Variants in GMPR observed in about 807,000 individuals in gnomAD.
GMPR encodes the protein guanosine monophosphate reductase, also known as GMP reductase 1.
GMPR carries 31 observed loss-of-function variants against 38.4 expected under a neutral mutation model. The observed-to-expected ratio is 0.81, with a 90% CI of 0.61 to 1.09. The LOEUF (loss-of-function observed/expected upper bound fraction) is 1.09. Among genes scored for constraint, GMPR ranks in the 50% least tolerant of loss-of-function variants. The probability of loss-of-function intolerance (pLI) is 0.00; values close to 1 mark genes in which losing one functional copy is unlikely to be tolerated. For synonymous variants in GMPR, 162 were observed against 173.3 expected, an observed-to-expected ratio of 0.93 and a Z score of 0.51; for missense variants, 468 against 453.7, an observed-to-expected ratio of 1.03 and a Z score of -0.29.
intron 1 of GMPR, among the ~76,000 whole-genome samples, chr6:16,241,156 G>T (rs961483881): frequency 6.6e-6 from 1 of 152,156 alleles, no homozygotes; most frequent in Non-Finnish European, 1.5e-5. Flanking sequence ...GGAAACTGAA[G>T]GGTAGATGAC....
intron 4 of GMPR, among the ~76,000 whole-genome samples, chr6:16,271,512 G>T (rs963439526): frequency 2.6e-5 from 4 of 152,154 alleles, no homozygotes; most frequent in African/African-American, 9.7e-5. Flanking sequence ...AACAAAATGT[G>T]TGGTGGGCTT....
At chr6:16,294,634 G>A (rs1759901455) in intron 8 of GMPR, among the ~76,000 whole-genome samples, 1 of 152,196 alleles carries the variant, frequency 6.6e-6, no homozygotes, top group South Asian at 2.1e-4. Context: ...TGCATGTTGA[G>A]GTAGAATAGA....
chr6:16,238,788 A>G lies in GMPR; in HGVS notation c.87+8A>G. On this transcript the variant is annotated splice_region_variant and intron_variant, in intron 1 of 8. Coordinates refer to ENST00000259727, the MANE Select transcript of GMPR (RefSeq NM_006877.4). ...CTCAAGAGCCGAGCCGAGGTGGGGGACGTTCGGAAGTCGCAGTGGGGTGGG... is the reference window on the plus strand; with the variant it reads ...CTCAAGAGCCGAGCCGAGGTGGGGGGCGTTCGGAAGTCGCAGTGGGGTGGG... 2.8e-6 allele frequency: 4 copies of G among 1,433,074 alleles called. No homozygotes were observed. The highest frequency in any genetic ancestry group is 1.4e-5 in the South Asian group (1 of 71,698). The allele number at this position is 1,433,074 out of a possible 1,614,324, so 88.8% of individuals were successfully genotyped here. A position where few individuals can be genotyped will look rare whatever the true frequency, so the allele number is the denominator to read the frequency against.
intron 4 of GMPR, among the ~76,000 whole-genome samples, chr6:16,263,863 CAG>C (rs1759137755): frequency 6.6e-6 from 1 of 151,270 alleles, no homozygotes; most frequent in African/African-American, 2.4e-5. Flanking sequence ...GATTGGGGCA[CAG>C]AGATATAAGA....
At chr6:16,291,996 G>A (rs1341961690) in intron 8 of GMPR, among the ~76,000 whole-genome samples, 1 of 152,008 alleles carries the variant, frequency 6.6e-6, no homozygotes, top group East Asian at 1.9e-4. Context: ...CAGGGTTAGC[G>A]CCGATGACAA....
intron 1 of GMPR, among the ~76,000 whole-genome samples, chr6:16,240,268 C>T (rs1185357870): frequency 6.6e-6 from 1 of 152,178 alleles, no homozygotes. Flanking sequence ...GGCACAGTAG[C>T]TCACACCTGT....
rs556914341 is a variant in GMPR at position 16,238,782 on chromosome 6, T to A, written c.87+2T>A. The A allele has an allele frequency of 1.4e-6, 2 of 1,440,126 alleles. No individual in the cohort carries two copies. The highest frequency in any genetic ancestry group is 1.4e-5 in the South Asian group (1 of 72,054). 89.2% of individuals were successfully genotyped at this position (1,440,126 alleles called of 1,614,324 possible). ...AGCAGCCTCAAGAGCCGAGCCGAGG[T>A]GGGGGACGTTCGGAAGTCGCAGTGG... is the stretch of plus-strand genomic sequence containing the variant. On this transcript the variant is annotated splice_donor_variant, in intron 1 of 8. Transcript: ENST00000259727. LOFTEE classifies it high-confidence loss of function.
chr6:16,274,550 G>A, intron 5 of GMPR, 54 bp downstream of exon 5: 1 of 975,192 alleles, frequency 1.0e-6, no homozygotes, highest in South Asian at 1.3e-5. Flanking sequence ...AATGGGATCT[G>A]GGGCTTGCGG....
At chr6:16,244,317 A>G (rs983385537) in intron 1 of GMPR, among the ~76,000 whole-genome samples, 6 of 151,318 alleles carry the variant, frequency 4.0e-5, no homozygotes, top group South Asian at 2.1e-4. Context: ...TGTTCAATCA[A>G]TCCTCCCACC....
In GMPR at chr6:16,253,468, A is replaced by G. The variant is rs1033608110; in HGVS notation, c.292-1094A>G. ...ATCATGGTGGAAGGCGAAGTGGGAG[A>G]GAGAAAGAGAGGGTGGGAGGTCACA... On this transcript the variant is annotated intron_variant, in intron 3 of 8. Coordinates refer to ENST00000259727, the MANE Select transcript of GMPR (RefSeq NM_006877.4). Among the ~76,000 whole-genome samples, 8 of 152,198 alleles carry G rather than the reference A, an allele frequency of 5.3e-5. No individual in the cohort carries two copies. In the South Asian group the frequency reaches 1.5e-3, roughly 28 times the overall value.
chr6:16,274,423 C>A lies in GMPR; in HGVS notation c.474C>A (p.Asn158Lys), dbSNP rs114417367. The A allele has an allele frequency of 2.5e-6, 4 of 1,595,122 alleles. No individual in the cohort carries two copies. The highest frequency in any genetic ancestry group is 1.1e-5 in the South Asian group (1 of 90,716). ...TATTCTTTCTGTCTCAGGCAGGGAA[C>A]GTGGTGACAGGAGAAATGGTAGAAG... is the stretch of plus-strand genomic sequence containing the variant. ...KFPEHTIMAG[N>K]VVTGEMVEEL... Residue 158 changes from asparagine to lysine, a missense_variant, in exon 5 of 9, where the codon AAC becomes AAA. Transcript: ENST00000259727.
At chr6:16,287,915 G>T (rs1030438084) in intron 7 of GMPR, among the ~76,000 whole-genome samples, 1 of 152,216 alleles carries the variant, frequency 6.6e-6, no homozygotes, top group Non-Finnish European at 1.5e-5. Context: ...TGACCAAATT[G>T]AAGGCATCAG....
At position 16,261,856 on chromosome 6, in the gene GMPR, G is replaced by C. The variant is rs568648881; in HGVS notation, c.465+7121G>C. ...TGTGGGTTAAGGTTGGGGGATACAA[G>C]AGGAGGACACAAAGGAGGCTTTGGA... On this transcript the variant is annotated intron_variant, in intron 4 of 8. Transcript: ENST00000259727. Among the ~76,000 whole-genome samples the C allele has an allele frequency of 3.3e-5, 5 of 151,860 alleles. No individual in the cohort carries two copies. In the South Asian group the frequency reaches 8.3e-4, roughly 25 times the overall value.
chr6:16,290,637 C>T lies in GMPR; in HGVS notation c.857+16C>T, dbSNP rs1330533730. On this transcript the variant is annotated intron_variant, in intron 8 of 8. Transcript: ENST00000259727. ...CTGAGTACAGGTGAGGAGGTGACCC[C>T]GGGGCGCACCCTCGAGGCCTGGCCT... The T allele has an allele frequency of 4.4e-6, 7 of 1,608,234 alleles. No homozygotes were observed. The highest frequency in any genetic ancestry group is 2.2e-5 in the East Asian group (1 of 44,744).
Position 16,290,404 on chromosome 6 carries a change from C to A in GMPR, c.698-58C>A, listed in dbSNP as rs1250818059. 1.2e-5 allele frequency: 18 copies of A among 1,527,308 alleles called. No individual in the cohort carries two copies. The East Asian group carries it at 4.1e-4, about 35-fold the overall frequency. The allele number at this position is 1,527,308 out of a possible 1,614,324, so 94.6% of individuals were successfully genotyped here. A position where few individuals can be genotyped will look rare whatever the true frequency, so the allele number is the denominator to read the frequency against. On this transcript the variant is annotated intron_variant, in intron 7 of 8. Coordinates refer to ENST00000259727, the MANE Select transcript of GMPR (RefSeq NM_006877.4). ...GCAAGCACTGGGATTTTTTGAGAGC[C>A]TTTTCCCCTGAGCTGTTTTCTCTGC...
rs372420658 is a variant in GMPR, at chr6:16,295,224, G to A, written c.*38G>A. ...AGCAGCGTCTGGCTCGAGTGGAAGC[G>A]TCCAAACCTGCTTTTCCCATCTCCC... On this transcript the variant is annotated 3_prime_UTR_variant, in exon 9 of 9. Transcript: ENST00000259727. 46 of 1,432,076 alleles carry A rather than the reference G, an allele frequency of 3.2e-5. No individual in the cohort carries two copies. The highest frequency in any genetic ancestry group is 2.5e-4 in the Middle Eastern group (1 of 4,052). 88.7% of individuals were successfully genotyped at this position (1,432,076 alleles called of 1,614,324 possible).
chr6:16,273,217 G>A (rs1468124090), intron 4 of GMPR, among the ~76,000 whole-genome samples: 2 of 151,976 alleles, frequency 1.3e-5, no homozygotes, highest in East Asian at 1.9e-4. Flanking sequence ...CTTTGTCTAC[G>A]TTAAAAAAGA....
At chr6:16,289,344 A>T (rs1759778278) in intron 7 of GMPR, among the ~76,000 whole-genome samples, 1 of 152,256 alleles carries the variant, frequency 6.6e-6, no homozygotes, top group African/African-American at 2.4e-5. Context: ...TTAATAGGCA[A>T]TGAAGAATCC....
At chr6:16,266,755 C>T (rs1159587078) in intron 4 of GMPR, among the ~76,000 whole-genome samples, 1 of 151,404 alleles carries the variant, frequency 6.6e-6, no homozygotes, top group East Asian at 2.0e-4. Flanking sequence ...AGCTTGACGG[C>T]ACTCCGGCCT....
Sources: allele counts gnomAD v4.1 joint callset (sites outside exome capture counted in the v4.1 genomes callset), GRCh38; gene constraint gnomAD v4.1.1; transcripts MANE v1.5; gene names NCBI Gene and HGNC (gene_info 2026-07-23, HGNC 2026-07-21).